The following NDST4 variants were observed in gnomAD, a reference collection of about 807,000 sequenced individuals.
NDST4 encodes N-deacetylase and N-sulfotransferase 4, also known as N-heparan sulfate sulfotransferase 4.
A neutral mutation model predicts 100.8 loss-of-function variants in NDST4; 63 were observed. The ratio of observed to expected loss-of-function variants is 0.62; its 90% CI spans 0.51 to 0.77. NDST4 has a LOEUF of 0.77. NDST4 is among the 30% of genes least tolerant of loss of function. The pLI is 0.00. For synonymous variants in NDST4, 377 were observed against 361.8 expected, an observed-to-expected ratio of 1.04 and a Z score of -0.48; for missense variants, 943 against 1,018.4, an observed-to-expected ratio of 0.93 and a Z score of 1.01.
At chr4:114,990,240 T>C (rs1438096610) in intron 2 of NDST4, among the ~76,000 whole-genome samples, 1 of 152,126 alleles carries the variant, frequency 6.6e-6, no homozygotes, top group Non-Finnish European at 1.5e-5. Context: ...ATAAGGAATC[T>C]AAAACAATGA....
intron 10 of NDST4, among the ~76,000 whole-genome samples, chr4:114,843,639 A>ATTT (rs1723479822): frequency 6.6e-6 from 1 of 151,940 alleles, no homozygotes; most frequent in Non-Finnish European, 1.5e-5. Flanking sequence ...GCTTTGCCTA[A>ATTT]TGGTTTGATT....
chr4:114,862,450 C>T (rs1723938190), intron 7 of NDST4, among the ~76,000 whole-genome samples: 1 of 152,118 alleles, frequency 6.6e-6, no homozygotes, highest in African/African-American at 2.4e-5. Context: ...CCCAGCAGAG[C>T]AAATCTCAGA....
intron 1 of NDST4, among the ~76,000 whole-genome samples, chr4:115,103,319 C>T (rs775360470): frequency 9.9e-5 from 15 of 152,028 alleles, no homozygotes; most frequent in Non-Finnish European, 1.5e-4. Flanking sequence ...GAATGTAATG[C>T]CCAAAGAAGT....
At position 115,008,799 on chromosome 4, in the gene NDST4, C is replaced by T. The variant is rs1424576592; in HGVS notation, c.979-31525G>A. Among the ~76,000 whole-genome samples the T allele has an allele frequency of 1.6e-5, 2 of 128,206 alleles. 1 individual carries two copies. Among genetic ancestry groups the T allele is most frequent in the Non-Finnish European group, 3.3e-5 (2 of 59,984 alleles). The allele number at this position is 128,206 out of a possible 152,430, so 84.1% of individuals were successfully genotyped here. A position where few individuals can be genotyped will look rare whatever the true frequency, so the allele number is the denominator to read the frequency against. On this transcript the variant is annotated intron_variant, in intron 2 of 13. Transcript: ENST00000264363. The stretch of plus-strand genomic sequence containing the variant: ...TCTAGAAAACCCCATTGTCTCAGCC[C>T]AAAATCTCCTTAAGCTGATAAGCAA...
rs748383854 is a variant in NDST4, at chr4:114,827,779, A to T, written c.*37T>A. 2.5e-6 allele frequency: 4 copies of T among 1,594,148 alleles called. No homozygotes were observed. The African/African-American group carries it at 5.5e-5, about 22-fold the overall frequency. On this transcript the variant is annotated 3_prime_UTR_variant, in exon 14 of 14. Transcript: ENST00000264363. ...GTGGATTTATTTTTTTTTTAACACT[A>T]AAAGTATCTTGAGAGGCTTAGTTCT... is the stretch of plus-strand genomic sequence containing the variant.
intron 2 of NDST4, among the ~76,000 whole-genome samples, chr4:115,042,648 T>C (rs1328813221): frequency 6.6e-6 from 1 of 152,070 alleles, no homozygotes; most frequent in Non-Finnish European, 1.5e-5. Flanking sequence ...GTGTAGTATA[T>C]ATAGAGAGAG....
chr4:114,976,940 G>C (rs1269628304), intron 3 of NDST4, among the ~76,000 whole-genome samples: 1 of 149,868 alleles, frequency 6.7e-6, no homozygotes, highest in East Asian at 1.9e-4. Context: ...ACTCAGTACA[G>C]TGGTTATGCT....
intron 6 of NDST4, among the ~76,000 whole-genome samples, chr4:114,911,155 C>T (rs1725053411): frequency 6.6e-6 from 1 of 152,116 alleles, no homozygotes; most frequent in Non-Finnish European, 1.5e-5. Context: ...AAAATATAAA[C>T]AGTAAAACAG....
At chr4:114,936,091 C>T (rs1240655227) in intron 5 of NDST4, among the ~76,000 whole-genome samples, 1 of 150,904 alleles carries the variant, frequency 6.6e-6, no homozygotes, top group African/African-American at 2.4e-5. Context: ...GCTTTCATTT[C>T]ATAATATGTT....
At chr4:115,093,335 C>A (rs1204772799) in intron 1 of NDST4, among the ~76,000 whole-genome samples, 1 of 151,862 alleles carries the variant, frequency 6.6e-6, no homozygotes, top group South Asian at 2.1e-4. Context: ...GTTAGCTGGG[C>A]GTGGTGGCGG....
At chr4:115,101,856 G>C (rs982499721) in intron 1 of NDST4, among the ~76,000 whole-genome samples, 3 of 152,162 alleles carry the variant, frequency 2.0e-5, no homozygotes, top group Non-Finnish European at 2.9e-5. Flanking sequence ...AGATTTCAGA[G>C]AGAGTGGAGA....
At chr4:115,041,195 C>CTCCCTTCTTCAAAA (rs1486116008) in intron 2 of NDST4, among the ~76,000 whole-genome samples, 5 of 151,986 alleles carry the variant, frequency 3.3e-5, no homozygotes, top group African/African-American at 1.2e-4. Flanking sequence ...TGGAAGAAGA[C>CTCCCTTCTTCAAAA]AAGATAACTC....
intron 2 of NDST4, among the ~76,000 whole-genome samples, chr4:115,016,541 T>G (rs1402923548): frequency 6.6e-6 from 1 of 152,088 alleles, no homozygotes; most frequent in African/African-American, 2.4e-5. Flanking sequence ...GAATTAGCAA[T>G]GAAGACTGCC....
chr4:115,071,140 A>C (rs960254651), intron 2 of NDST4, among the ~76,000 whole-genome samples: 5 of 148,012 alleles, frequency 3.4e-5, no homozygotes, highest in Non-Finnish European at 7.4e-5. Flanking sequence ...TAAAATAAAA[A>C]AATAAAAAAT....
chr4:115,056,304 G>C (rs522307), intron 2 of NDST4, among the ~76,000 whole-genome samples: 31,097 of 151,876 alleles, frequency 0.2, 4,004 homozygotes, highest in East Asian at 0.46. Context: ...ACTGAGCTAT[G>C]ATCACTCCAG....
intron 2 of NDST4, among the ~76,000 whole-genome samples, chr4:114,995,225 T>G (rs1249986997): frequency 6.6e-6 from 1 of 152,030 alleles, no homozygotes; most frequent in East Asian, 1.9e-4. Flanking sequence ...TTACTACTGT[T>G]AAGGGAAATA....
Position 114,829,782 on chromosome 4 carries a change from A to T in NDST4, c.2499+8T>A, listed in dbSNP as rs759564645. The T allele has an allele frequency of 2.5e-6, 4 of 1,583,610 alleles. No individual in the cohort carries two copies. Among genetic ancestry groups the T allele is most frequent in the African/African-American group, 1.4e-5 (1 of 73,040 alleles). On this transcript the variant is annotated splice_region_variant and intron_variant, in intron 13 of 13. Transcript: ENST00000264363. ...GCTAGAGTAATTCAAAGATTAAAAAATTATTACCTCTGGATCCATAGGTGG... is the reference window on the plus strand; with the variant it reads ...GCTAGAGTAATTCAAAGATTAAAAATTTATTACCTCTGGATCCATAGGTGG...
chr4:114,865,364 G>C (rs1334636885), intron 7 of NDST4, among the ~76,000 whole-genome samples: 1 of 152,102 alleles, frequency 6.6e-6, no homozygotes, highest in Non-Finnish European at 1.5e-5. Context: ...CACCCAGCCA[G>C]CTCTATTTTT....
At chr4:115,092,758 A>G (rs557728199) in intron 1 of NDST4, among the ~76,000 whole-genome samples, 76 of 152,318 alleles carry the variant, frequency 5.0e-4, no homozygotes, top group Non-Finnish European at 9.0e-4. Flanking sequence ...TAGTGGAGAA[A>G]AAATAAAATA....
Sources: gnomAD v4.1 joint callset for allele counts (sites outside exome capture counted in the v4.1 genomes callset) on GRCh38, gnomAD v4.1.1 for gene constraint, MANE v1.5 for transcripts, NCBI Gene and HGNC (gene_info 2026-07-23, HGNC 2026-07-21) for gene names.